The following KIRREL1 variants were observed in gnomAD, a reference collection of about 807,000 sequenced individuals.
KIRREL1 encodes the protein kirre like nephrin family adhesion molecule 1, also known as kin of IRRE-like protein 1.
KIRREL1 carries 25 observed loss-of-function variants against 83.3 expected under a neutral mutation model. That is an observed-to-expected ratio of 0.30 (90% confidence interval 0.22 to 0.42). The LOEUF (loss-of-function observed/expected upper bound fraction) is 0.42, where lower values mean the gene tolerates loss of function less well. KIRREL1 is among the 10% of genes least tolerant of loss of function. KIRREL1 has a pLI of 1.00. For missense variants in KIRREL1, 812 were observed against 1,032.3 expected (o/e 0.79, Z 2.92); for synonymous variants, 388 against 410.4 (o/e 0.95, Z 0.66).
At chr1:158,069,329 TGTGTGTGTGTGTGTGA>T (rs1332335431) in intron 1 of KIRREL1, among the ~76,000 whole-genome samples, 1 of 151,692 alleles carries the variant, frequency 6.6e-6, no homozygotes, top group Non-Finnish European at 1.5e-5. Context: ...TGTGTGTGTG[TGTGTGTGTGTGTGTGA>T]ATCTAAGCAT....
chr1:157,998,385 A>G (rs2101617190), intron 1 of KIRREL1, among the ~76,000 whole-genome samples: 1 of 152,338 alleles, frequency 6.6e-6, no homozygotes, highest in African/African-American at 2.4e-5. Flanking sequence ...AATTTAAAAA[A>G]CAATCCTTTA....
At position 158,047,432 on chromosome 1, in the gene KIRREL1, G is replaced by A. The variant is rs150019778; in HGVS notation, c.53-28681G>A. ...CTGGGTGGAGAAGTCATCATTGTTG[G>A]CTGAGGATATTCCACCTTCTGATAA... On this transcript the variant is annotated intron_variant, in intron 1 of 14. Transcript: ENST00000359209. 7.9e-5 allele frequency among the ~76,000 whole-genome samples: 12 copies of A among 152,304 alleles called. No homozygotes were observed. In the East Asian group the frequency reaches 2.3e-3, roughly 29 times the overall value.
At chr1:158,088,242 G>A in intron 7 of KIRREL1, 85 bp from the exon 8 acceptor site, 8 of 1,604,478 alleles carry the variant, frequency 5.0e-6, no homozygotes, top group East Asian at 2.2e-5. Context: ...CCATGAATGG[G>A]GAGGTAGCAG....
chr1:158,040,715 C>T (rs1271023989), intron 1 of KIRREL1, among the ~76,000 whole-genome samples: 1 of 152,122 alleles, frequency 6.6e-6, no homozygotes, highest in African/African-American at 2.4e-5. Flanking sequence ...CAGGCATTTC[C>T]TTAATATCAA....
chr1:158,025,393 G>A (rs1005711718), intron 1 of KIRREL1, among the ~76,000 whole-genome samples: 2 of 151,842 alleles, frequency 1.3e-5, no homozygotes, highest in Non-Finnish European at 2.9e-5. Context: ...CAGAGGTGAA[G>A]CAAAAGGGCA....
intron 1 of KIRREL1, among the ~76,000 whole-genome samples, chr1:158,071,991 G>A (rs1376918952): frequency 6.6e-6 from 1 of 152,084 alleles, no homozygotes; most frequent in African/African-American, 2.4e-5. Context: ...CCTGTCCGAG[G>A]CCTGCACCTC....
At chr1:158,065,209 G>T (rs1203808410) in intron 1 of KIRREL1, among the ~76,000 whole-genome samples, 1 of 152,128 alleles carries the variant, frequency 6.6e-6, no homozygotes. Flanking sequence ...AGTGCCAGGA[G>T]ACCTCTAGAG....
chr1:158,017,741 C>CT (rs202044261), intron 1 of KIRREL1, among the ~76,000 whole-genome samples: 22 of 109,834 alleles, frequency 2.0e-4, no homozygotes, highest in East Asian at 8.4e-4. Flanking sequence ...AAAATAGTTT[C>CT]TTTTTTTTTC....
chr1:158,089,129 C>G (rs1662112992), intron 8 of KIRREL1, among the ~76,000 whole-genome samples: 1 of 152,096 alleles, frequency 6.6e-6, no homozygotes, highest in South Asian at 2.1e-4. Context: ...CTGCAGAGAC[C>G]CCCATTAGAC....
chr1:157,997,315 A>G (rs1438853014), intron 1 of KIRREL1, among the ~76,000 whole-genome samples: 1 of 152,182 alleles, frequency 6.6e-6, no homozygotes, highest in Admixed American at 6.5e-5. Context: ...TGGCACTTGA[A>G]TATGTTAATC....
chr1:158,025,142 G>T (rs1660131635), intron 1 of KIRREL1, among the ~76,000 whole-genome samples: 1 of 152,154 alleles, frequency 6.6e-6, no homozygotes, highest in South Asian at 2.1e-4. Flanking sequence ...TGAATGCAGG[G>T]GAGCGCTTTG....
rs142716869 is a variant in KIRREL1 at position 157,995,076 on chromosome 1, G to A, written c.52+1348G>A. Among the ~76,000 whole-genome samples, 9 of 152,210 alleles carry A rather than the reference G, an allele frequency of 5.9e-5. No homozygotes were observed. In the South Asian group the frequency reaches 1.9e-3, roughly 32 times the overall value. On this transcript the variant is annotated intron_variant, in intron 1 of 14. Coordinates refer to ENST00000359209, the MANE Select transcript of KIRREL1 (RefSeq NM_018240.7). ...AGATGGAGGAGGTGTCCTCTTTTAG[G>A]GGGTGTCTGGGAATGGATCTGGGTA... is the stretch of plus-strand genomic sequence containing the variant.
intron 1 of KIRREL1, among the ~76,000 whole-genome samples, chr1:158,067,785 G>A (rs923010535): frequency 2.0e-5 from 3 of 152,178 alleles, no homozygotes; most frequent in Admixed American, 6.5e-5. Flanking sequence ...GCCTCTTGAG[G>A]TGACTAATCC....
chr1:158,064,542 C>T (rs977596455), intron 1 of KIRREL1, among the ~76,000 whole-genome samples: 3 of 152,208 alleles, frequency 2.0e-5, no homozygotes, highest in Non-Finnish European at 2.9e-5. Flanking sequence ...TAGAGCCCTC[C>T]GGAGCATTGC....
intron 1 of KIRREL1, among the ~76,000 whole-genome samples, chr1:158,073,887 G>T (rs1460139686): frequency 6.6e-6 from 1 of 152,206 alleles, no homozygotes; most frequent in Non-Finnish European, 1.5e-5. Flanking sequence ...AGACCAGGGT[G>T]TCCAGGCTCC....
At chr1:158,059,232 G>A (rs112336081) in intron 1 of KIRREL1, among the ~76,000 whole-genome samples, 1 of 152,122 alleles carries the variant, frequency 6.6e-6, no homozygotes, top group East Asian at 1.9e-4. Context: ...CTGCAGGAAC[G>A]TGCCTCTTCA....
chr1:158,028,243 G>A (rs923788812), intron 1 of KIRREL1, among the ~76,000 whole-genome samples: 1 of 152,218 alleles, frequency 6.6e-6, no homozygotes, highest in Non-Finnish European at 1.5e-5. Context: ...TTGTCTGCCT[G>A]CGCAGGGGCT....
chr1:158,099,496 G>A lies in KIRREL1; in HGVS notation c.*4376G>A, dbSNP rs150816158. Reference sequence around the variant, plus strand: ...GAGAGATGTGTGGTTTGGTAGGAAGGGGGTGTGTGTGGGGGTTAGTGGGGA... The same window carrying A: ...GAGAGATGTGTGGTTTGGTAGGAAGAGGGTGTGTGTGGGGGTTAGTGGGGA... On this transcript the variant is annotated 3_prime_UTR_variant, in exon 15 of 15. Coordinates refer to ENST00000359209, the MANE Select transcript of KIRREL1 (RefSeq NM_018240.7). 1 of 152,110 alleles carries A rather than the reference G, an allele frequency of 6.6e-6. No homozygotes were observed. Among genetic ancestry groups the A allele is most frequent in the Non-Finnish European group, 1.5e-5 (1 of 68,086 alleles). 9.4% of individuals were successfully genotyped at this position (152,110 alleles called of 1,614,324 possible).
chr1:157,995,019 T>G (rs993015659), intron 1 of KIRREL1, among the ~76,000 whole-genome samples: 1 of 152,374 alleles, frequency 6.6e-6, no homozygotes, highest in South Asian at 2.1e-4. Context: ...GACATTCATA[T>G]GGGCAGACAC....
Sources: allele counts gnomAD v4.1 joint callset (sites outside exome capture counted in the v4.1 genomes callset), GRCh38; gene constraint gnomAD v4.1.1; transcripts MANE v1.5; gene names NCBI Gene and HGNC (gene_info 2026-07-23, HGNC 2026-07-21).